SLC25A18: variants seen among roughly 807,000 people sequenced by gnomAD.
SLC25A18 encodes the protein mitochondrial glutamate carrier 2.
SLC25A18 carries 24 observed loss-of-function variants against 31.1 expected under a neutral mutation model. The ratio of observed to expected loss-of-function variants is 0.77; its 90% CI spans 0.56 to 1.08. SLC25A18 has a LOEUF of 1.08. Among genes scored for constraint, SLC25A18 ranks in the 50% least tolerant of loss-of-function variants. The pLI is 0.00. For missense variants in SLC25A18, 371 were observed against 418.5 expected (o/e 0.89, Z 0.99); for synonymous variants, 173 against 161.9 (o/e 1.07, Z -0.52).
intron 1 of SLC25A18, 69 bp downstream of exon 1, chr22:17,563,782 A>T: frequency 1.1e-6 from 1 of 888,890 alleles, no homozygotes; most frequent in Non-Finnish European, 1.3e-6. Flanking sequence ...CAAAAGGGGG[A>T]AAAATAGCCT....
At chr22:17,568,916 G>T (rs1200886256) in intron 1 of SLC25A18, among the ~76,000 whole-genome samples, 1 of 151,712 alleles carries the variant, frequency 6.6e-6, no homozygotes, top group East Asian at 1.9e-4. Flanking sequence ...AAGAATGTTA[G>T]CACAGGTCTT....
At chr22:17,579,699 G>A (rs560078256) in intron 2 of SLC25A18, 46 bp from the exon 3 acceptor site, 130 of 1,337,470 alleles carry the variant, frequency 9.7e-5, no homozygotes, top group East Asian at 1.4e-4. Flanking sequence ...AGTGACGTGC[G>A]TCCTCGCCCA....
chr22:17,590,065 A>C, intron 10 of SLC25A18, 30 bp from the exon 11 acceptor site: 1 of 1,612,864 alleles, frequency 6.2e-7, no homozygotes, highest in Non-Finnish European at 8.5e-7. Flanking sequence ...GCCCCTGCCC[A>C]TCAGCTCACT....
intron 1 of SLC25A18, among the ~76,000 whole-genome samples, chr22:17,568,775 A>C (rs2057009878): frequency 6.6e-6 from 1 of 151,250 alleles, no homozygotes; most frequent in African/African-American, 2.4e-5. Context: ...GTTAGCCAGG[A>C]TGGTCTCAGT....
chr22:17,584,459 GAGAGAGAGAGAGAA>G (rs1216096952), intron 7 of SLC25A18, among the ~76,000 whole-genome samples: 7 of 139,236 alleles, frequency 5.0e-5, no homozygotes, highest in East Asian at 4.3e-4. Context: ...GAGAGAGAGA[GAGAGAGAGAGAGAA>G]AGAAAGAAAG....
chr22:17,586,576 T>C (rs544451855), intron 7 of SLC25A18, among the ~76,000 whole-genome samples: 25 of 152,298 alleles, frequency 1.6e-4, no homozygotes, highest in Admixed American at 1.2e-3. Context: ...GTCAGGAGTT[T>C]TGAGACCAGC....
chr22:17,585,033 C>T (rs578185515), intron 7 of SLC25A18, among the ~76,000 whole-genome samples: 2 of 152,084 alleles, frequency 1.3e-5, no homozygotes, highest in South Asian at 4.1e-4. Context: ...ACTCAGGAGG[C>T]TGAGGCAGGA....
At position 17,581,028 on chromosome 22, in the gene SLC25A18, CT is replaced by C; in HGVS notation, c.21-8del. On this transcript the variant is annotated splice_region_variant and splice_polypyrimidine_tract_variant and intron_variant, in intron 3 of 10. Coordinates refer to ENST00000327451, the MANE Select transcript of SLC25A18 (RefSeq NM_031481.3). ...CCTCTCTCCTCCCCCTGTCCTCCCC[CT>C]GTCCTAGCATCACAGCCAAACTCAT... is the stretch of plus-strand genomic sequence containing the variant. The C allele has an allele frequency of 6.5e-7, 1 of 1,544,192 alleles. No homozygotes were observed. Among genetic ancestry groups the C allele is most frequent in the Non-Finnish European group, 8.8e-7 (1 of 1,142,586 alleles).
intron 2 of SLC25A18, 137 bp from the exon 3 acceptor site, chr22:17,579,608 C>A (rs754139052): frequency 1.8e-6 from 1 of 545,762 alleles, no homozygotes; most frequent in Non-Finnish European, 2.6e-6. Context: ...TCCAAAAGTT[C>A]GAGGATTCTG....
Position 17,590,110 on chromosome 22 carries a change from G to T in SLC25A18, c.822G>T (p.Gln274His), listed in dbSNP as rs766495552. The change falls in exon 11 of 11, where the codon CAG (glutamine) becomes CAT (histidine). Residue 274 changes from glutamine to histidine, a missense_variant. Coordinates refer to ENST00000327451, the MANE Select transcript of SLC25A18 (RefSeq NM_031481.3). ...TTCTCCCCAGGAAACTCTGGATTCA[G>T]GAGGGACCATCTGCCTTCATGAAAG... ...ITDCARKLWI[Q>H]EGPSAFMKGA... The T allele has an allele frequency of 6.2e-7, 1 of 1,614,192 alleles. No homozygotes were observed. The highest frequency in any genetic ancestry group is 8.5e-7 in the Non-Finnish European group (1 of 1,180,040).
chr22:17,571,334 T>C (rs1405629029), intron 2 of SLC25A18, among the ~76,000 whole-genome samples: 1 of 152,044 alleles, frequency 6.6e-6, no homozygotes, highest in East Asian at 1.9e-4. Context: ...AATGGGACGT[T>C]TTTAAACAGG....
chr22:17,566,234 C>G (rs1032640360), intron 1 of SLC25A18, among the ~76,000 whole-genome samples: 1 of 152,236 alleles, frequency 6.6e-6, no homozygotes, highest in South Asian at 2.1e-4. Flanking sequence ...CTTCCCTCCC[C>G]GTCTCCTTAC....
chr22:17,563,807 T>G (rs2056866047), intron 1 of SLC25A18, 94 bp downstream of exon 1: 5 of 736,076 alleles, frequency 6.8e-6, no homozygotes, highest in Non-Finnish European at 6.6e-6. Context: ...TGCTCAGAGT[T>G]CATAATAAAC....
chr22:17,579,019 A>G (rs543971775), intron 2 of SLC25A18, among the ~76,000 whole-genome samples: 2 of 152,322 alleles, frequency 1.3e-5, no homozygotes, highest in South Asian at 4.1e-4. Flanking sequence ...CAGAAAACAC[A>G]GTTTAATAGC....
At position 17,580,503 on chromosome 22, in the gene SLC25A18, C is replaced by T. The variant is rs138342007; in HGVS notation, c.21-534C>T. 3.0e-6 allele frequency: 3 copies of T among 988,238 alleles called. No homozygotes were observed. In the African/African-American group the frequency reaches 5.2e-5, roughly 17 times the overall value. The allele number at this position is 988,238 out of a possible 1,614,324, so 61.2% of individuals were successfully genotyped here. The stretch of plus-strand genomic sequence containing the variant: ...CCTCAAGGGCTGACCGACTTGAAGC[C>T]TTCACTGTGGGAAGTGCCTGCTCTC... On this transcript the variant is annotated intron_variant, in intron 3 of 10. Transcript: ENST00000327451.
Position 17,583,528 on chromosome 22 carries a change from C to T in SLC25A18, c.403C>T (p.Arg135Cys), listed in dbSNP as rs779393717. The change falls in exon 7 of 11, where the codon CGC (arginine) becomes TGC (cysteine). Residue 135 changes from arginine (R) to cysteine (C), a missense_variant. Arg to Cys is a radical substitution (Grantham distance 180). Coordinates refer to ENST00000327451, the MANE Select transcript of SLC25A18 (RefSeq NM_031481.3). The stretch of plus-strand genomic sequence containing the variant: ...CAAGATTCAGCTGCAGGATGCTGGA[C>T]GCCTGGGTGAGGCCTGTCCCCACCT... ...MLKIQLQDAG[R>C]LAVHHQGSAS... The T allele has an allele frequency of 1.4e-5, 22 of 1,613,486 alleles. No homozygotes were observed. Among genetic ancestry groups the T allele is most frequent in the South Asian group, 4.4e-5 (4 of 91,086 alleles).
intron 1 of SLC25A18, among the ~76,000 whole-genome samples, chr22:17,566,623 G>T (rs1434114661): frequency 6.6e-6 from 1 of 152,054 alleles, no homozygotes; most frequent in Non-Finnish European, 1.5e-5. Context: ...CGTTGGTCAG[G>T]CTGGTCTCGA....
intron 3 of SLC25A18, 171 bp from the exon 4 acceptor site, chr22:17,580,866 G>C: frequency 7.2e-7 from 1 of 1,379,688 alleles, no homozygotes; most frequent in South Asian, 1.8e-5. Flanking sequence ...GGGTGAGTGC[G>C]GCTGTCCTGT....
chr22:17,580,260 C>T (rs1010004849), intron 3 of SLC25A18: 3 of 348,146 alleles, frequency 8.6e-6, no homozygotes, highest in Non-Finnish European at 1.5e-5. Context: ...TGTGAAAGGC[C>T]CACTATCATC....
Sources: allele counts gnomAD v4.1 joint callset (sites outside exome capture counted in the v4.1 genomes callset), GRCh38; gene constraint gnomAD v4.1.1; transcripts MANE v1.5; gene names NCBI Gene and HGNC (gene_info 2026-07-23, HGNC 2026-07-21).